The following DAB2IP variants were observed in gnomAD, a reference collection of about 807,000 sequenced individuals.
DAB2IP encodes the protein disabled homolog 2-interacting protein.
In DAB2IP, 28 loss-of-function variants were observed where a neutral mutation model predicts 107.2. The ratio of observed to expected loss-of-function variants is 0.26; its 90% confidence interval spans 0.19 to 0.36. The LOEUF (loss-of-function observed/expected upper bound fraction) is 0.36, where lower values mean the gene tolerates loss of function less well. DAB2IP is among the 10% of genes least tolerant of loss of function. The probability of loss-of-function intolerance (pLI) is 1.00; values close to 1 mark genes in which losing one functional copy is unlikely to be tolerated. For synonymous variants in DAB2IP, 755 were observed against 706.4 expected (o/e 1.07, Z -1.09); for missense variants, 1,400 against 1,644.7 (o/e 0.85, Z 2.57).
At chr9:121,567,318 A>C (rs1829827910) in intron 1 of DAB2IP, 7 of 1,588,654 alleles carry the variant, frequency 4.4e-6, no homozygotes, top group Non-Finnish European at 3.4e-6. Flanking sequence ...GAGTTGAAGC[A>C]GGGAGGCAGT....
chr9:121,777,230 C>T (rs1431084200), intron 14 of DAB2IP, among the ~76,000 whole-genome samples: 1 of 152,190 alleles, frequency 6.6e-6, no homozygotes, highest in African/African-American at 2.4e-5. Context: ...ATCAGCTGGA[C>T]AGACCAAGCA....
rs148131358 is a variant in DAB2IP at position 121,763,449 on chromosome 9, G to A, written c.1171-56G>A. The A allele has an allele frequency of 3.2e-6, 5 of 1,557,362 alleles. No homozygotes were observed. In the East Asian group the frequency reaches 1.1e-4, roughly 35 times the overall value. On this transcript the variant is annotated intron_variant, in intron 6 of 15. Transcript: ENST00000408936. ...TCTCTGGCTAGGTCTGGAATCCTAGGGCCCTCCATGCCAGGCCAGCTCAGG... is the reference window on the plus strand; with the variant it reads ...TCTCTGGCTAGGTCTGGAATCCTAGAGCCCTCCATGCCAGGCCAGCTCAGG...
chr9:121,678,299 A>G lies in DAB2IP; in HGVS notation c.125-379A>G, dbSNP rs576283588. On this transcript the variant is annotated intron_variant, in intron 1 of 15. Coordinates refer to ENST00000408936, the Ensembl canonical transcript of DAB2IP. ...CGTAATGTTTTCAAGGTCCATCCAC[A>G]TTACAGCTTAAATCAGAACTTCATT... Among the ~76,000 whole-genome samples, 6 of 152,374 alleles carry G rather than the reference A, an allele frequency of 3.9e-5. No homozygotes were observed. In the South Asian group the frequency reaches 8.3e-4, roughly 21 times the overall value.
intron 14 of DAB2IP, among the ~76,000 whole-genome samples, chr9:121,778,962 G>T (rs148774267): frequency 6.6e-6 from 1 of 152,006 alleles, no homozygotes; most frequent in Non-Finnish European, 1.5e-5. Context: ...TCTTGGATTT[G>T]TATGTCTGCA....
rs545745261 is a variant in DAB2IP, at chr9:121,701,445, G to A, written c.362+1987G>A. The stretch of plus-strand genomic sequence containing the variant: ...AAACAGTAGGAAACGGTAGCGGTTG[G>A]AGCAGAATGTCACTGGCAGCGGTGT... On this transcript the variant is annotated intron_variant, in intron 3 of 15. Coordinates refer to ENST00000408936, the Ensembl canonical transcript of DAB2IP. This position sits in a 1 kb window ranked among gnomAD's most constrained non-coding sequence, Gnocchi z 4.7. Among the ~76,000 whole-genome samples, 32 of 152,354 alleles carry A rather than the reference G, an allele frequency of 2.1e-4. No individual in the cohort carries two copies. The highest frequency in any genetic ancestry group is 1.1e-3 in the Admixed American group (17 of 15,306).
chr9:121,726,983 G>T (rs566814987), intron 3 of DAB2IP, among the ~76,000 whole-genome samples: 149 of 152,340 alleles, frequency 9.8e-4, no homozygotes, highest in Middle Eastern at 3.4e-3. Context: ...GTGGGCTGGG[G>T]ATGGGAGGTG....
intron 1 of DAB2IP, among the ~76,000 whole-genome samples, chr9:121,668,516 G>A (rs1468338831): frequency 6.6e-6 from 1 of 152,274 alleles, no homozygotes; most frequent in African/African-American, 2.4e-5. Flanking sequence ...TGGGATTACA[G>A]GTGTGAGCCA....
At chr9:121,741,762 G>A (rs142765012) in intron 3 of DAB2IP, among the ~76,000 whole-genome samples, 1 of 151,024 alleles carries the variant, frequency 6.6e-6, no homozygotes, top group Non-Finnish European at 1.5e-5. Flanking sequence ...AGCTATCCTG[G>A]GGCAGCTTCC....
intron 6 of DAB2IP, among the ~76,000 whole-genome samples, chr9:121,763,239 G>A (rs1404526962): frequency 6.6e-6 from 1 of 152,222 alleles, no homozygotes; most frequent in Non-Finnish European, 1.5e-5. Flanking sequence ...GCTCCACGTG[G>A]CATGCTCTCA....
intron 3 of DAB2IP, among the ~76,000 whole-genome samples, chr9:121,726,507 T>C (rs1290389083): frequency 2.0e-5 from 3 of 152,178 alleles, no homozygotes; most frequent in African/African-American, 7.2e-5. Flanking sequence ...TGGGAAGCAC[T>C]GGTAAACCAA....
At position 121,782,713 on chromosome 9, in the gene DAB2IP, G is replaced by C. The variant is rs1454064825; in HGVS notation, c.*215G>C. On this transcript the variant is annotated 3_prime_UTR_variant, in exon 16 of 16. Transcript: ENST00000408936. The surrounding 1 kb of genome is among the most constrained non-coding windows in gnomAD (Gnocchi z 6.1). Reference sequence around the variant, plus strand: ...GAGGTCACCAGCCGCTCCCTGTGGGGTGCGGGCAGAAGAGACTGCACGCTG... The same window carrying C: ...GAGGTCACCAGCCGCTCCCTGTGGGCTGCGGGCAGAAGAGACTGCACGCTG... 2.8e-6 allele frequency: 4 copies of C among 1,414,086 alleles called. No individual in the cohort carries two copies. In the Admixed American group the frequency reaches 1.2e-4, roughly 41 times the overall value. 87.6% of individuals were successfully genotyped at this position (1,414,086 alleles called of 1,614,324 possible).
At chr9:121,660,144 T>C (rs2119087897) in intron 1 of DAB2IP, among the ~76,000 whole-genome samples, 3 of 152,232 alleles carry the variant, frequency 2.0e-5, no homozygotes. Flanking sequence ...GGAAGGATTT[T>C]GAAAATAACA....
chr9:121,696,418 G>C (rs546281475), intron 2 of DAB2IP, among the ~76,000 whole-genome samples: 61 of 152,330 alleles, frequency 4.0e-4, no homozygotes, highest in Admixed American at 2.9e-3. Context: ...TCTAGAATAA[G>C]AGTTTCTGAC....
At chr9:121,681,605 T>C (rs190438541) in intron 2 of DAB2IP, among the ~76,000 whole-genome samples, 2 of 152,226 alleles carry the variant, frequency 1.3e-5, no homozygotes, top group Admixed American at 1.3e-4. Context: ...ATTTCACAGG[T>C]GAGGAAACTG....
At chr9:121,641,943 T>TTCTTTCTGTCTC (rs1832321843) in intron 1 of DAB2IP, among the ~76,000 whole-genome samples, 3 of 130,264 alleles carry the variant, frequency 2.3e-5, no homozygotes, top group African/African-American at 5.9e-5. Flanking sequence ...CTTTCTCTCT[T>TTCTTTCTGTCTC]TCTTTCCTTT....
At chr9:121,609,192 G>A (rs542621653) in intron 1 of DAB2IP, among the ~76,000 whole-genome samples, 10 of 152,232 alleles carry the variant, frequency 6.6e-5, no homozygotes, top group East Asian at 3.9e-4. Flanking sequence ...TGCTCCGTCC[G>A]CCTCGAACTC....
chr9:121,727,864 C>T (rs576255049), intron 3 of DAB2IP, among the ~76,000 whole-genome samples: 65 of 152,330 alleles, frequency 4.3e-4, no homozygotes, highest in Middle Eastern at 3.4e-3. Context: ...CTCCCACCTC[C>T]ATCTCCTTCT....
rs866241001 is a variant in DAB2IP, at chr9:121,633,440, G to A, written c.41-45238G>A. The stretch of plus-strand genomic sequence containing the variant: ...AGAGTGCCTGGTGAGGCCGTTCAGC[G>A]TCTGTGCTTTGTTATTCCTGTGTCT... On this transcript the variant is annotated intron_variant, in intron 1 of 16. Coordinates refer to the DAB2IP transcript ENST00000259371. This position sits in a 1 kb window ranked among gnomAD's most constrained non-coding sequence, Gnocchi z 5.1. Among the ~76,000 whole-genome samples the A allele has an allele frequency of 2.1e-4, 32 of 152,096 alleles. No homozygotes were observed. Among genetic ancestry groups the A allele is most frequent in the African/African-American group, 5.8e-4 (24 of 41,412 alleles).
chr9:121,709,991 T>G (rs1278679518), intron 3 of DAB2IP, among the ~76,000 whole-genome samples: 1 of 152,120 alleles, frequency 6.6e-6, no homozygotes, highest in Non-Finnish European at 1.5e-5. Context: ...CACTTCACCC[T>G]CACAGCAGCC....
Sources: gnomAD v4.1 joint callset for allele counts (sites outside exome capture counted in the v4.1 genomes callset) on GRCh38, gnomAD v4.1.1 for gene constraint, Gnocchi (gnomAD v3.1) non-coding constraint, MANE v1.5 for transcripts, NCBI Gene and HGNC (gene_info 2026-07-23, HGNC 2026-07-21) for gene names.